The following GBF1 variants were observed in gnomAD, a reference collection of about 807,000 sequenced individuals.
GBF1 encodes golgi brefeldin A resistant guanine nucleotide exchange factor 1.
A neutral mutation model predicts 210.5 loss-of-function variants in GBF1; 114 were observed. That is an observed-to-expected ratio of 0.54 (90% CI 0.47 to 0.63). The LOEUF (loss-of-function observed/expected upper bound fraction) is 0.63. GBF1 is among the 30% of genes least tolerant of loss of function. GBF1 has a pLI of 0.00. For synonymous variants in GBF1, 850 were observed against 889.2 expected, an observed-to-expected ratio of 0.96 and a Z score of 0.78; for missense variants, 1,851 against 2,357.7, an observed-to-expected ratio of 0.79 and a Z score of 4.45.
At chr10:102,362,760 T>G in intron 15 of GBF1, 96 bp downstream of exon 15, 1 of 872,494 alleles carries the variant, frequency 1.1e-6, no homozygotes, top group Non-Finnish European at 1.8e-6. Flanking sequence ...TCACTTCCCC[T>G]GGGATGCTCC....
In GBF1 at chr10:102,366,584, CTTT is replaced by C. The variant is rs397968996; in HGVS notation, c.2433+96_2433+98del. The C allele has an allele frequency of 0.032, 20,084 of 624,172 alleles. No individual in the cohort carries two copies. The highest frequency in any genetic ancestry group is 0.04 in the Middle Eastern group (75 of 1,896). The allele number at this position is 624,172 out of a possible 1,614,324, so 38.7% of individuals were successfully genotyped here. On this transcript the variant is annotated intron_variant, in intron 19 of 39. Coordinates refer to ENST00000369983, the MANE Select transcript of GBF1 (RefSeq NM_001377137.1). The surrounding 1 kb of genome is among the most constrained non-coding windows in gnomAD (Gnocchi z 4.0). Reference sequence around the variant, plus strand: ...GGGCTGAAGAATCCAGCTGCTGTCTCTTTTTTTTTTTTTTTTTTTTGAGACAGA... The same window carrying C: ...GGGCTGAAGAATCCAGCTGCTGTCTCTTTTTTTTTTTTTTTTTGAGACAGA...
intron 3 of GBF1, among the ~76,000 whole-genome samples, chr10:102,264,081 G>A (rs961975090): frequency 5.3e-5 from 8 of 152,186 alleles, no homozygotes; most frequent in African/African-American, 1.9e-4. Flanking sequence ...AGATAGTAGC[G>A]ATGGTTGCAC....
chr10:102,231,469 AGGGTCCG>A, the GBF1 span: 17 of 650,792 alleles, frequency 2.6e-5, no homozygotes, highest in East Asian at 2.0e-4. Context: ...GCCGGGAGCC[AGGGTCCG>A]GGGTCCGGGG....
chr10:102,382,543 T>G lies in GBF1; in HGVS notation c.*207T>G. 1 of 515,160 alleles carries G rather than the reference T, an allele frequency of 1.9e-6. No homozygotes were observed. Among genetic ancestry groups the G allele is most frequent in the East Asian group, 3.2e-5 (1 of 30,892 alleles). The allele number at this position is 515,160 out of a possible 1,614,324, so 31.9% of individuals were successfully genotyped here. A position where few individuals can be genotyped will look rare whatever the true frequency, so the allele number is the denominator to read the frequency against. Reference sequence around the variant, plus strand: ...GACCTTTTTCCTCCTCTGCGCTCCATTCCTGGGGGTTCAGCCTGAGAGTGA... The same window carrying G: ...GACCTTTTTCCTCCTCTGCGCTCCAGTCCTGGGGGTTCAGCCTGAGAGTGA... On this transcript the variant is annotated 3_prime_UTR_variant, in exon 40 of 40. Transcript: ENST00000369983.
At chr10:102,354,533 A>T (rs1170414515) in intron 8 of GBF1, among the ~76,000 whole-genome samples, 2 of 152,116 alleles carry the variant, frequency 1.3e-5, no homozygotes, top group Admixed American at 1.3e-4. Flanking sequence ...TATATATAAC[A>T]CCTGGGTCCC....
intron 13 of GBF1, 152 bp from the exon 14 acceptor site, chr10:102,361,566 T>A (rs2059605477): frequency 1.8e-6 from 1 of 566,520 alleles, no homozygotes; most frequent in African/African-American, 1.9e-5. Flanking sequence ...AGAAGAGATA[T>A]ATTTAGGGGA....
Position 102,379,435 on chromosome 10 carries a change from G to T in GBF1, c.4645+1G>T. ...CACTGCTGGTGCCCTTTACTGCAGG[G>T]TAAACCAGGAGGGGCAGAGGTAGGG... On this transcript the variant is annotated splice_donor_variant, in intron 34 of 39. Coordinates refer to ENST00000369983, the MANE Select transcript of GBF1 (RefSeq NM_001377137.1). LOFTEE classifies it high-confidence loss of function. 6.2e-7 allele frequency: 1 copy of T among 1,614,122 alleles called. No individual in the cohort carries two copies. The highest frequency in any genetic ancestry group is 8.5e-7 in the Non-Finnish European group (1 of 1,180,014).
At chr10:102,296,964 G>T (rs1170357620) in intron 3 of GBF1, among the ~76,000 whole-genome samples, 1 of 151,524 alleles carries the variant, frequency 6.6e-6, no homozygotes, top group African/African-American at 2.4e-5. Context: ...AGGATCGTTT[G>T]AACCCGGGAG....
chr10:102,260,600 C>T (rs193030436), intron 3 of GBF1, among the ~76,000 whole-genome samples: 6 of 150,912 alleles, frequency 4.0e-5, no homozygotes, highest in South Asian at 4.2e-4. Context: ...GCCTCAGCCT[C>T]CTAAGTAGCT....
chr10:102,276,646 A>G (rs2075006888), intron 3 of GBF1, among the ~76,000 whole-genome samples: 1 of 152,146 alleles, frequency 6.6e-6, no homozygotes, highest in South Asian at 2.1e-4. Context: ...CCAGGGTCCT[A>G]AGTAATCCTG....
At chr10:102,302,847 G>A (rs186556854) in intron 3 of GBF1, among the ~76,000 whole-genome samples, 369 of 152,194 alleles carry the variant, frequency 2.4e-3, no homozygotes, top group African/African-American at 6.8e-3. Context: ...ACAATGCATA[G>A]GACAGCCCCC....
At chr10:102,381,912 C>T (rs2060881430) in intron 39 of GBF1, 144 bp from the exon 40 acceptor site, 2 of 559,366 alleles carry the variant, frequency 3.6e-6, no homozygotes, top group Non-Finnish European at 3.0e-6. Flanking sequence ...AGGGGAGACT[C>T]CCAACTTTTT....
chr10:102,311,892 C>T (rs1589593659), intron 3 of GBF1, among the ~76,000 whole-genome samples: 1 of 152,222 alleles, frequency 6.6e-6, no homozygotes, highest in Non-Finnish European at 1.5e-5. Context: ...AGAGACCCAG[C>T]CATAACAATT....
chr10:102,378,712 T>C (rs1413017445), intron 33 of GBF1, among the ~76,000 whole-genome samples: 1 of 152,178 alleles, frequency 6.6e-6, no homozygotes, highest in Non-Finnish European at 1.5e-5. Flanking sequence ...GGGAGGACTA[T>C]TGCTTGGGCC....
intron 10 of GBF1, chr10:102,358,989 T>C: frequency 8.5e-6 from 5 of 585,668 alleles, no homozygotes; most frequent in Non-Finnish European, 1.5e-5. Flanking sequence ...TGGCCATTGC[T>C]TTTTCTGGAA....
At chr10:102,238,834 C>T in the GBF1 span, among the ~76,000 whole-genome samples, 65 of 152,310 alleles carry the variant, frequency 4.3e-4, no homozygotes, top group Middle Eastern at 6.8e-3. Context: ...ACTCCCTCCA[C>T]CCTGTAGCCA....
At chr10:102,264,718 T>C (rs1448759533) in intron 3 of GBF1, among the ~76,000 whole-genome samples, 1 of 152,280 alleles carries the variant, frequency 6.6e-6, no homozygotes, top group Non-Finnish European at 1.5e-5. Flanking sequence ...GAGTCTGTAA[T>C]ACAGTTTGTT....
At chr10:102,283,873 G>A (rs2075722775) in intron 3 of GBF1, among the ~76,000 whole-genome samples, 1 of 152,260 alleles carries the variant, frequency 6.6e-6, no homozygotes, top group South Asian at 2.1e-4. Context: ...CTGTGGTCTT[G>A]TATAATGTGA....
At chr10:102,230,785 C>G in the GBF1 span, 2 of 1,545,362 alleles carry the variant, frequency 1.3e-6, no homozygotes, top group Non-Finnish European at 1.7e-6. Context: ...CTGCAGGGCC[C>G]CAGGCCCTGG....
Sources: allele counts gnomAD v4.1 joint callset (sites outside exome capture counted in the v4.1 genomes callset), GRCh38; gene constraint gnomAD v4.1.1; non-coding constraint Gnocchi (gnomAD v3.1); transcripts MANE v1.5; gene names NCBI Gene and HGNC (gene_info 2026-07-23, HGNC 2026-07-21).